The following GABRB2 variants were observed in gnomAD, a reference collection of about 807,000 sequenced individuals.
The protein encoded by GABRB2 is gamma-aminobutyric acid receptor subunit beta-2.
GABRB2 carries 16 observed loss-of-function variants against 54.7 expected under a neutral mutation model. The observed-to-expected ratio is 0.29, with a 90% confidence interval of 0.20 to 0.44. The LOEUF (loss-of-function observed/expected upper bound fraction) is 0.44, where lower values mean the gene tolerates loss of function less well. Ranked by LOEUF, GABRB2 falls within the 20% of genes least tolerant of loss-of-function variation. GABRB2 has a pLI of 1.00. For synonymous variants in GABRB2, 244 were observed against 233.8 expected (o/e 1.04, Z -0.40); for missense variants, 355 against 644.0 (o/e 0.55, Z 4.86).
At chr5:161,446,944 A>T (rs1757650333) in intron 4 of GABRB2, among the ~76,000 whole-genome samples, 2 of 151,662 alleles carry the variant, frequency 1.3e-5, no homozygotes, top group South Asian at 4.2e-4. Flanking sequence ...ATACATAATA[A>T]GAATTTACCA....
At chr5:161,358,534 A>G (rs762445471) in intron 5 of GABRB2, among the ~76,000 whole-genome samples, 8 of 152,284 alleles carry the variant, frequency 5.3e-5, no homozygotes, top group Non-Finnish European at 1.0e-4. Flanking sequence ...GTAGAGAAGT[A>G]AAAAAACGAT....
At chr5:161,448,155 G>A (rs148381969) in intron 4 of GABRB2, among the ~76,000 whole-genome samples, 2 of 152,062 alleles carry the variant, frequency 1.3e-5, no homozygotes, top group Non-Finnish European at 2.9e-5. Flanking sequence ...AGGAATAGTC[G>A]CTCATGCCTG....
chr5:161,471,956 A>G lies in GABRB2; in HGVS notation c.238-12112T>C, dbSNP rs1581013990. Among the ~76,000 whole-genome samples the G allele has an allele frequency of 2.6e-5, 4 of 151,990 alleles. 1 individual carries two copies. Among genetic ancestry groups the G allele is most frequent in the Admixed American group, 2.6e-4 (4 of 15,230 alleles). On this transcript the variant is annotated intron_variant, in intron 3 of 9. Transcript: ENST00000393959. ...ATGCATTATTTCATTAATCATCACA[A>G]TAGCACTATAAGTTATATATTAGAT...
intron 5 of GABRB2, among the ~76,000 whole-genome samples, chr5:161,385,947 GGTGTGTGTGT>G (rs70990781): frequency 0.019 from 1,740 of 93,366 alleles, 44 homozygotes; most frequent in African/African-American, 0.051. Flanking sequence ...CCTATTGTCT[GGTGTGTGTGT>G]GTGTGTGTGT....
At chr5:161,410,941 A>T (rs757341935) in intron 5 of GABRB2, 34 bp downstream of exon 5, 1 of 1,535,946 alleles carries the variant, frequency 6.5e-7, no homozygotes, top group Non-Finnish European at 9.0e-7. Context: ...CTTAAAGCAG[A>T]GTCCAGTCTA....
At chr5:161,331,249 C>A in intron 7 of GABRB2, 122 bp from the exon 8 acceptor site, 2 of 1,176,594 alleles carry the variant, frequency 1.7e-6, no homozygotes, top group Non-Finnish European at 2.4e-6. Flanking sequence ...ATTTATTGGG[C>A]CTTTACTATT....
chr5:161,475,950 G>A (rs763836788), intron 3 of GABRB2, among the ~76,000 whole-genome samples: 3 of 151,860 alleles, frequency 2.0e-5, no homozygotes, highest in Non-Finnish European at 4.4e-5. Flanking sequence ...AGTCTAGCCA[G>A]AGCAAATAGG....
At chr5:161,545,116 C>G (rs1760937214) in intron 3 of GABRB2, 111 bp downstream of exon 3, 5 of 653,018 alleles carry the variant, frequency 7.7e-6, no homozygotes, top group Non-Finnish European at 1.3e-5. Context: ...CTCTCACCCC[C>G]ACCTCATACA....
chr5:161,515,228 A>G (rs958867985), intron 3 of GABRB2, among the ~76,000 whole-genome samples: 1 of 152,140 alleles, frequency 6.6e-6, no homozygotes, highest in African/African-American at 2.4e-5. Context: ...GTTTTTCTGA[A>G]GCTGTATTTA....
intron 3 of GABRB2, among the ~76,000 whole-genome samples, chr5:161,465,213 A>G (rs1440587623): frequency 2.0e-5 from 3 of 151,998 alleles, no homozygotes; most frequent in African/African-American, 7.2e-5. Context: ...GCTAATTAAC[A>G]TAGGAACTGG....
chr5:161,509,037 A>G (rs1759687153), intron 3 of GABRB2, among the ~76,000 whole-genome samples: 1 of 151,914 alleles, frequency 6.6e-6, no homozygotes. Flanking sequence ...TTCATTATAG[A>G]TAGCTATATA....
At chr5:161,484,878 T>A (rs1758870887) in intron 3 of GABRB2, among the ~76,000 whole-genome samples, 1 of 151,920 alleles carries the variant, frequency 6.6e-6, no homozygotes, top group Non-Finnish European at 1.5e-5. Flanking sequence ...CTGCTTACAA[T>A]TCCTTCAGTA....
intron 3 of GABRB2, among the ~76,000 whole-genome samples, chr5:161,542,122 A>G (rs1476994644): frequency 6.6e-6 from 1 of 152,210 alleles, no homozygotes; most frequent in African/African-American, 2.4e-5. Context: ...ACATTTATCC[A>G]TTAAGTTTGC....
At chr5:161,428,278 CAG>C (rs1467125402) in intron 4 of GABRB2, among the ~76,000 whole-genome samples, 2 of 142,798 alleles carry the variant, frequency 1.4e-5, no homozygotes, top group African/African-American at 5.6e-5. Flanking sequence ...TCTATCATCT[CAG>C]AGAGTTACGT....
intron 9 of GABRB2, among the ~76,000 whole-genome samples, chr5:161,308,649 T>C (rs1757771509): frequency 6.6e-6 from 1 of 152,176 alleles, no homozygotes; most frequent in African/African-American, 2.4e-5. Context: ...AGCATGGTAC[T>C]GGTACAAGAA....
At position 161,292,229 on chromosome 5, in the gene GABRB2, G is replaced by T. The variant is rs993953704; in HGVS notation, c.*1852C>A. The T allele has an allele frequency of 6.6e-6, 1 of 152,132 alleles. No homozygotes were observed. The highest frequency in any genetic ancestry group is 2.4e-5 in the African/African-American group (1 of 41,420). 9.4% of individuals were successfully genotyped at this position (152,132 alleles called of 1,614,324 possible). On this transcript the variant is annotated 3_prime_UTR_variant, in exon 10 of 10. Coordinates refer to ENST00000393959, the MANE Select transcript of GABRB2 (RefSeq NM_001371727.1). ...TATTCCAAGCTGCTAAATCATGAAGGAAACAAGGAATCAAGAAAACATACA... is the reference window on the plus strand; with the variant it reads ...TATTCCAAGCTGCTAAATCATGAAGTAAACAAGGAATCAAGAAAACATACA...
chr5:161,405,580 G>A (rs1415472234), intron 5 of GABRB2, among the ~76,000 whole-genome samples: 2 of 151,930 alleles, frequency 1.3e-5, no homozygotes, highest in Admixed American at 6.6e-5. Flanking sequence ...CACCACTTTT[G>A]CAAAGAGCCC....
intron 9 of GABRB2, among the ~76,000 whole-genome samples, chr5:161,320,002 T>C (rs1256778715): frequency 1.3e-5 from 2 of 151,780 alleles, no homozygotes; most frequent in Non-Finnish European, 3.0e-5. Context: ...TTAATTGTTA[T>C]GCTTTTAAAA....
chr5:161,332,287 C>T (rs942967755), intron 7 of GABRB2, among the ~76,000 whole-genome samples: 1 of 151,192 alleles, frequency 6.6e-6, no homozygotes, highest in Non-Finnish European at 1.5e-5. Flanking sequence ...ATACATTATA[C>T]AGGCAATATC....
Sources: allele counts gnomAD v4.1 joint callset (sites outside exome capture counted in the v4.1 genomes callset), GRCh38; gene constraint gnomAD v4.1.1; transcripts MANE v1.5; gene names NCBI Gene and HGNC (gene_info 2026-07-23, HGNC 2026-07-21).